PLSCR5: variants seen among roughly 807,000 people sequenced by gnomAD.
PLSCR5 encodes the protein phospholipid scramblase family member 5, also known as phospholipid scramblase family, member 5.
In PLSCR5, 44 loss-of-function variants were observed where a neutral mutation model predicts 33.6. That is an observed-to-expected ratio of 1.31 (90% CI 1.03 to 1.69). The LOEUF (loss-of-function observed/expected upper bound fraction) is 1.69, where lower values mean the gene tolerates loss of function less well. Ranked by LOEUF, PLSCR5 falls within the 40% of genes most tolerant of loss-of-function variation. The pLI is 0.00. For missense variants in PLSCR5, 375 were observed against 318.7 expected, an observed-to-expected ratio of 1.18 and a Z score of -1.34; for synonymous variants, 148 against 112.3, an observed-to-expected ratio of 1.32 and a Z score of -2.01.
intron 7 of PLSCR5, among the ~76,000 whole-genome samples, chr3:146,579,280 T>C (rs1288049851): frequency 1.3e-5 from 2 of 152,158 alleles, no homozygotes; most frequent in African/African-American, 4.8e-5. Flanking sequence ...AATGCTTAAT[T>C]TGAAAAGTCA....
At chr3:146,582,396 T>A (rs115220006), downstream of PLSCR5, among the ~76,000 whole-genome samples, 2,580 of 152,266 alleles carry the variant, frequency 0.017, 83 homozygotes, top group African/African-American at 0.06. Context: ...GGTAAGGGCC[T>A]GCATGCACAC....
At chr3:146,604,404 C>T (rs1348054776) in intron 1 of PLSCR5, among the ~76,000 whole-genome samples, 1 of 152,078 alleles carries the variant, frequency 6.6e-6, no homozygotes, top group Non-Finnish European at 1.5e-5. Flanking sequence ...ATCAGTCCTA[C>T]TCCCCAAAAG....
chr3:146,578,946 T>G (rs1019623411), intron 7 of PLSCR5, among the ~76,000 whole-genome samples: 18 of 152,034 alleles, frequency 1.2e-4, no homozygotes, highest in Admixed American at 2.6e-4. Context: ...TTACTATGGT[T>G]TTTTCCATTT....
intron 4 of PLSCR5, among the ~76,000 whole-genome samples, chr3:146,592,510 C>T (rs1445769837): frequency 6.6e-6 from 1 of 152,056 alleles, no homozygotes. Flanking sequence ...ATTTATGTAA[C>T]CCAATCAAAT....
intron 4 of PLSCR5, 136 bp from the exon 5 acceptor site, chr3:146,592,017 G>C (rs759459969): frequency 6.3e-6 from 5 of 788,026 alleles, no homozygotes; most frequent in Non-Finnish European, 7.7e-6. Flanking sequence ...CTAAATACCT[G>C]CTTCTAAGGA....
chr3:146,599,504 T>C (rs1359892308), intron 2 of PLSCR5, among the ~76,000 whole-genome samples: 1 of 144,756 alleles, frequency 6.9e-6, no homozygotes, highest in East Asian at 2.0e-4. Flanking sequence ...AGGCTTGCAC[T>C]TTGCATTAAC....
intron 2 of PLSCR5, among the ~76,000 whole-genome samples, chr3:146,599,783 A>G (rs1383985617): frequency 2.0e-5 from 3 of 150,926 alleles, no homozygotes; most frequent in Non-Finnish European, 4.4e-5. Flanking sequence ...GGCTCAGGTG[A>G]TCCTCCCACC....
At chr3:146,605,059 A>T in intron 1 of PLSCR5, 141 bp downstream of exon 1, 1 of 828,596 alleles carries the variant, frequency 1.2e-6, no homozygotes, top group Non-Finnish European at 1.8e-6. Context: ...CCTGGGAGTT[A>T]AGATTTTAAA....
At chr3:146,581,426 G>A, downstream of PLSCR5, among the ~76,000 whole-genome samples, 1 of 152,102 alleles carries the variant, frequency 6.6e-6, no homozygotes, top group East Asian at 1.9e-4. Context: ...TGTTGCTTTT[G>A]TTTACTGTTA....
rs532920512 is a variant in PLSCR5, at chr3:146,595,760, C to T, written c.190-677G>A. ...TTATAATGTTTAAGATGTTTTACAA[C>T]TCAATTTTTTTAGAAGACATGAAAC... On this transcript the variant is annotated intron_variant, in intron 2 of 7. Coordinates refer to ENST00000443512, the MANE Select transcript of PLSCR5 (RefSeq NM_001085420.2). Among the ~76,000 whole-genome samples, 5 of 152,262 alleles carry T rather than the reference C, an allele frequency of 3.3e-5. No individual in the cohort carries two copies. The South Asian group carries it at 1.0e-3, about 32-fold the overall frequency.
chr3:146,597,163 A>T (rs1459329151), intron 2 of PLSCR5, among the ~76,000 whole-genome samples: 1 of 152,190 alleles, frequency 6.6e-6, no homozygotes, highest in African/African-American at 2.4e-5. Context: ...AGAAACTATT[A>T]ATTGAAGTCC....
At chr3:146,582,604 G>C (rs342904), downstream of PLSCR5, among the ~76,000 whole-genome samples, 60,390 of 151,852 alleles carry the variant, frequency 0.4, 12,154 homozygotes, top group East Asian at 0.57. Flanking sequence ...TTGGCATGTC[G>C]CCTTCTTGAT....
chr3:146,603,512 G>A (rs1298593969), intron 1 of PLSCR5, among the ~76,000 whole-genome samples: 1 of 152,036 alleles, frequency 6.6e-6, no homozygotes, highest in Non-Finnish European at 1.5e-5. Flanking sequence ...TCTAAGTTTA[G>A]ACTTGGGTCT....
intron 6 of PLSCR5, among the ~76,000 whole-genome samples, chr3:146,588,241 C>T (rs531377656): frequency 2.0e-5 from 3 of 152,148 alleles, no homozygotes; most frequent in African/African-American, 2.4e-5. Context: ...GAGGCCAAAG[C>T]GGGTGGATCA....
At chr3:146,597,495 T>C (rs2044771256) in intron 2 of PLSCR5, among the ~76,000 whole-genome samples, 2 of 152,184 alleles carry the variant, frequency 1.3e-5, no homozygotes, top group African/African-American at 4.8e-5. Flanking sequence ...TGAGTACCTT[T>C]CCTATTTTCT....
chr3:146,584,237 A>T (rs997563752), downstream of PLSCR5, among the ~76,000 whole-genome samples: 1 of 152,216 alleles, frequency 6.6e-6, no homozygotes, highest in African/African-American at 2.4e-5. Flanking sequence ...AATCCCATAT[A>T]TTTGAAATGC....
At chr3:146,594,866 T>C (rs1025828235) in intron 3 of PLSCR5, among the ~76,000 whole-genome samples, 175 bp downstream of exon 3, 1 of 152,162 alleles carries the variant, frequency 6.6e-6, no homozygotes, top group Non-Finnish European at 1.5e-5. Flanking sequence ...TAAATAAGAC[T>C]AATAATTTTA....
chr3:146,588,123 C>G (rs931746605), intron 6 of PLSCR5, among the ~76,000 whole-genome samples: 4 of 152,056 alleles, frequency 2.6e-5, no homozygotes, highest in African/African-American at 9.7e-5. Flanking sequence ...CTAACCATGA[C>G]ACAAACTGAA....
chr3:146,595,401 T>C (rs2044752249), intron 2 of PLSCR5, among the ~76,000 whole-genome samples: 1 of 152,152 alleles, frequency 6.6e-6, no homozygotes, highest in Non-Finnish European at 1.5e-5. Context: ...GCAGATTGCT[T>C]GAGCCCAGGA....
Sources: gnomAD v4.1 joint callset for allele counts (sites outside exome capture counted in the v4.1 genomes callset) on GRCh38, gnomAD v4.1.1 for gene constraint, MANE v1.5 for transcripts, NCBI Gene and HGNC (gene_info 2026-07-23, HGNC 2026-07-21) for gene names.